The following PDSS1 variants were observed in gnomAD, a reference collection of about 807,000 sequenced individuals.
The protein encoded by PDSS1 is all trans-polyprenyl-diphosphate synthase PDSS1.
PDSS1 carries 43 observed loss-of-function variants against 57.5 expected under a neutral mutation model. The observed-to-expected ratio is 0.75, with a 90% confidence interval of 0.59 to 0.96. The LOEUF is 0.96. Ranked by LOEUF, PDSS1 falls within the 50% of genes least tolerant of loss-of-function variation. The probability of loss-of-function intolerance (pLI) is 0.00; values close to 1 mark genes in which losing one functional copy is unlikely to be tolerated. For synonymous variants in PDSS1, 175 were observed against 191.3 expected, an observed-to-expected ratio of 0.91 and a Z score of 0.70; for missense variants, 438 against 527.8, an observed-to-expected ratio of 0.83 and a Z score of 1.67.
chr10:26,742,919 C>T (rs1836681010), intron 11 of PDSS1, among the ~76,000 whole-genome samples: 1 of 152,164 alleles, frequency 6.6e-6, no homozygotes, highest in Non-Finnish European at 1.5e-5. Flanking sequence ...AATCACTGGG[C>T]CCCCAGTCAC....
intron 4 of PDSS1, among the ~76,000 whole-genome samples, chr10:26,707,797 C>T (rs1013057688): frequency 3.9e-5 from 6 of 152,268 alleles, no homozygotes; most frequent in Admixed American, 2.0e-4. Flanking sequence ...CGCCATGGGG[C>T]GGCCATGACG....
chr10:26,739,457 CAT>C (rs779590760), intron 10 of PDSS1, among the ~76,000 whole-genome samples: 3 of 152,302 alleles, frequency 2.0e-5, no homozygotes, highest in South Asian at 2.1e-4. Context: ...AAATTGCACA[CAT>C]GACATGTTTG....
Position 26,724,120 on chromosome 10 carries a change from A to G in PDSS1, c.828A>G (p.Lys276=). The G allele has an allele frequency of 4.4e-6, 7 of 1,594,132 alleles. No individual in the cohort carries two copies. The highest frequency in any genetic ancestry group is 6.0e-6 in the Non-Finnish European group (7 of 1,161,704). The change falls in exon 8 of 12, where the codon AAA becomes AAG. Residue 276 remains lysine (K), a synonymous_variant. Transcript: ENST00000376215. ...KTASLIANSC[K]AVSVLGCPDP... is the part of the protein sequence containing the mutation. ...CCAGCCTGATAGCCAACAGTTGTAA[A>G]GCAGTATGTACGTTCTGTCTTTCTT...
intron 6 of PDSS1, among the ~76,000 whole-genome samples, chr10:26,723,105 A>T (rs1383968222): frequency 9.2e-5 from 14 of 152,080 alleles, no homozygotes. Context: ...GAGCATAGAG[A>T]CTAGAGCATC....
chr10:26,725,033 T>A (rs933231211), intron 8 of PDSS1, among the ~76,000 whole-genome samples: 3 of 152,064 alleles, frequency 2.0e-5, no homozygotes, highest in Non-Finnish European at 4.4e-5. Flanking sequence ...ATTTTTTTTT[T>A]AATGAGTAAT....
chr10:26,704,292 AGT>A (rs1454050781), intron 2 of PDSS1, among the ~76,000 whole-genome samples: 1 of 152,068 alleles, frequency 6.6e-6, no homozygotes, highest in Non-Finnish European at 1.5e-5. Context: ...TAAAATAGAC[AGT>A]GTTTGTATAA....
In PDSS1 at chr10:26,735,477, T is replaced by A. The variant is rs119463988; in HGVS notation, c.924T>A (p.Asp308Glu). The change falls in exon 10 of 12, where the codon GAT becomes GAA. Residue 308 changes from aspartate to glutamate, a missense_variant. Around this residue, in one of 2 missense-constraint regions of PDSS1, gnomAD observed 284 missense variants for 390.7 expected, o/e 0.73. Coordinates refer to ENST00000376215, the MANE Select transcript of PDSS1 (RefSeq NM_014317.5). ...TTTCCTTTTGCCAGCTAATAGATGA[T>A]GTATTGGACTTCACCTCGTGTTCTG... ...NVGIAFQLID[D>E]VLDFTSCSDQ... 6.2e-7 allele frequency: 1 copy of A among 1,608,162 alleles called. No individual in the cohort carries two copies.
chr10:26,734,493 C>T (rs1172320507), intron 8 of PDSS1, among the ~76,000 whole-genome samples: 3 of 152,142 alleles, frequency 2.0e-5, no homozygotes, highest in African/African-American at 2.4e-5. Context: ...CTTCAGTGGC[C>T]GGTGCCAGCT....
chr10:26,734,911 C>T lies in PDSS1; in HGVS notation c.832-329C>T, dbSNP rs202180713. Among the ~76,000 whole-genome samples the T allele has an allele frequency of 3.3e-5, 5 of 152,290 alleles. No homozygotes were observed. In the East Asian group the frequency reaches 9.6e-4, roughly 29 times the overall value. On this transcript the variant is annotated intron_variant, in intron 8 of 11. Transcript: ENST00000376215. Reference sequence around the variant, plus strand: ...ATGGGGGTCCGTTTCTTTTGCATGTCAAGAAGGTTTACTTAGCATGTTACC... The same window carrying T: ...ATGGGGGTCCGTTTCTTTTGCATGTTAAGAAGGTTTACTTAGCATGTTACC...
At chr10:26,731,397 C>T (rs73596303) in intron 8 of PDSS1, among the ~76,000 whole-genome samples, 6,324 of 152,212 alleles carry the variant, frequency 0.042, 323 homozygotes, top group African/African-American at 0.11. Flanking sequence ...TGTATCAGAT[C>T]CCATTATGTG....
chr10:26,742,584 C>CTGT lies in PDSS1; in HGVS notation c.1107+9_1107+11dup. The CTGT allele has an allele frequency of 6.3e-7, 1 of 1,583,212 alleles. No homozygotes were observed. Among genetic ancestry groups the CTGT allele is most frequent in the Non-Finnish European group, 8.7e-7 (1 of 1,152,714 alleles). ...TCGACAGTATGTACTACAGGTAAGA[C>CTGT]TGTTTTTTTAAAAAAAAGGCAGCAG... On this transcript the variant is annotated splice_region_variant and intron_variant, in intron 11 of 11. Transcript: ENST00000376215.
At position 26,712,795 on chromosome 10, in the gene PDSS1, C is replaced by T. The variant is rs1835439052; in HGVS notation, c.467+3027C>T. Among the ~76,000 whole-genome samples, 2 of 97,848 alleles carry T rather than the reference C, an allele frequency of 2.0e-5. 1 individual carries two copies. The highest frequency in any genetic ancestry group is 2.5e-4 in the Admixed American group (2 of 8,150). The allele number at this position is 97,848 out of a possible 152,430, so 64.2% of individuals were successfully genotyped here. A position where few individuals can be genotyped will look rare whatever the true frequency, so the allele number is the denominator to read the frequency against. ...GGAGCAGCACCATCCATGTTCAGTG[C>T]CAAGAGAGCCCCTCCAGCCTCAGTG... On this transcript the variant is annotated intron_variant, in intron 5 of 11. Coordinates refer to ENST00000376215, the MANE Select transcript of PDSS1 (RefSeq NM_014317.5).
chr10:26,743,436 C>T (rs1288291271), intron 11 of PDSS1, among the ~76,000 whole-genome samples: 1 of 152,198 alleles, frequency 6.6e-6, no homozygotes. Flanking sequence ...AAAGCAACCC[C>T]AACCCCTAAA....
chr10:26,723,754 C>A, intron 6 of PDSS1, 52 bp from the exon 7 acceptor site: 1 of 1,239,858 alleles, frequency 8.1e-7, no homozygotes. Flanking sequence ...ATTGGCTCTA[C>A]TGCTCTGATG....
At chr10:26,729,761 AC>A (rs1429828225) in intron 8 of PDSS1, among the ~76,000 whole-genome samples, 2 of 152,074 alleles carry the variant, frequency 1.3e-5, no homozygotes, top group African/African-American at 4.8e-5. Context: ...GAATATATTA[AC>A]CCATTTATGC....
At chr10:26,714,419 G>A (rs1034748438) in intron 5 of PDSS1, among the ~76,000 whole-genome samples, 5 of 150,324 alleles carry the variant, frequency 3.3e-5, no homozygotes, top group African/African-American at 9.8e-5. Context: ...AGGCTGCAGT[G>A]AGCAGAGATT....
chr10:26,707,523 T>C (rs567950207), intron 4 of PDSS1, among the ~76,000 whole-genome samples: 1 of 152,254 alleles, frequency 6.6e-6, no homozygotes, highest in African/African-American at 2.4e-5. Context: ...TTTCTGACCA[T>C]TGGGCACTAT....
chr10:26,718,834 T>A (rs956920084), intron 5 of PDSS1: 2 of 151,264 alleles, frequency 1.3e-5, no homozygotes, highest in Non-Finnish European at 2.9e-5. Flanking sequence ...TGAAAGGGTC[T>A]AGGGTTTAGT....
chr10:26,744,966 C>G (rs910279862), intron 11 of PDSS1, among the ~76,000 whole-genome samples: 2 of 151,748 alleles, frequency 1.3e-5, no homozygotes, highest in African/African-American at 4.8e-5. Context: ...GAGTTTGAGA[C>G]CAGCCTGGCC....
Sources: gnomAD v4.1 joint callset for allele counts (sites outside exome capture counted in the v4.1 genomes callset) on GRCh38, gnomAD v4.1.1 for gene constraint, gnomAD v4.1.1 regional missense constraint, MANE v1.5 for transcripts, NCBI Gene and HGNC (gene_info 2026-07-23, HGNC 2026-07-21) for gene names.